The following ARHGAP42 variants were observed in gnomAD, a reference collection of about 807,000 sequenced individuals.
ARHGAP42 encodes the protein Rho GTPase activating protein 42.
In ARHGAP42, 63 loss-of-function variants were observed where a neutral mutation model predicts 125.0. The observed-to-expected ratio is 0.50, with a 90% CI of 0.41 to 0.62. The LOEUF (loss-of-function observed/expected upper bound fraction) is 0.62, where lower values mean the gene tolerates loss of function less well. Ranked by LOEUF, ARHGAP42 falls within the 20% of genes least tolerant of loss-of-function variation. ARHGAP42 has a pLI of 0.00. For synonymous variants in ARHGAP42, 339 were observed against 351.0 expected (o/e 0.97, Z 0.38); for missense variants, 766 against 1,024.2 (o/e 0.75, Z 3.44).
intron 1 of ARHGAP42, among the ~76,000 whole-genome samples, chr11:100,723,326 G>A (rs777664594): frequency 1.8e-4 from 28 of 152,162 alleles, no homozygotes; most frequent in Admixed American, 1.6e-3. Flanking sequence ...TGCTTGCTGG[G>A]ATTTTGATTG....
At chr11:100,929,920 T>G (rs1482306427) in intron 6 of ARHGAP42, among the ~76,000 whole-genome samples, 1 of 152,200 alleles carries the variant, frequency 6.6e-6, no homozygotes, top group African/African-American at 2.4e-5. Flanking sequence ...TTTGTTCCTT[T>G]TCTGTCTTGT....
chr11:100,968,360 T>A (rs1024700364), intron 17 of ARHGAP42, among the ~76,000 whole-genome samples: 3 of 152,182 alleles, frequency 2.0e-5, no homozygotes, highest in Non-Finnish European at 4.4e-5. Flanking sequence ...TGTTTCATGT[T>A]GTCTTTGCTA....
intron 3 of ARHGAP42, among the ~76,000 whole-genome samples, chr11:100,847,442 G>T (rs963636613): frequency 2.6e-5 from 4 of 152,156 alleles, no homozygotes; most frequent in Non-Finnish European, 5.9e-5. Flanking sequence ...GTAAGGAGAT[G>T]CCTTTTCTTT....
At chr11:100,965,025 C>G (rs1858054441) in intron 16 of ARHGAP42, among the ~76,000 whole-genome samples, 2 of 152,070 alleles carry the variant, frequency 1.3e-5, no homozygotes, top group Admixed American at 6.6e-5. Context: ...GGGAAACTTA[C>G]AATCATGGTG....
chr11:100,892,416 T>A (rs1247437824), intron 4 of ARHGAP42, among the ~76,000 whole-genome samples: 1 of 152,154 alleles, frequency 6.6e-6, no homozygotes, highest in Non-Finnish European at 1.5e-5. Context: ...TTCTTGAATA[T>A]TGTATTTACT....
At chr11:100,693,058 G>C (rs1861217449) in intron 1 of ARHGAP42, among the ~76,000 whole-genome samples, 1 of 152,114 alleles carries the variant, frequency 6.6e-6, no homozygotes, top group African/African-American at 2.4e-5. Context: ...CAAAATTTGA[G>C]ACTTCCCATA....
chr11:100,753,873 G>A (rs1862515948), intron 1 of ARHGAP42, among the ~76,000 whole-genome samples: 1 of 152,172 alleles, frequency 6.6e-6, no homozygotes, highest in Non-Finnish European at 1.5e-5. Context: ...TTTCCACCTG[G>A]CTCTCAGTGT....
intron 5 of ARHGAP42, among the ~76,000 whole-genome samples, chr11:100,919,346 TAG>T (rs1335868810): frequency 6.6e-6 from 1 of 152,086 alleles, no homozygotes; most frequent in Non-Finnish European, 1.5e-5. Context: ...TCTTAGCAGT[TAG>T]AGTGATGTGA....
At chr11:100,802,245 G>T (rs1385002681) in intron 3 of ARHGAP42, among the ~76,000 whole-genome samples, 2 of 152,100 alleles carry the variant, frequency 1.3e-5, no homozygotes, top group South Asian at 2.1e-4. Flanking sequence ...CATAACAAGA[G>T]AACTCCCTGG....
intron 1 of ARHGAP42, among the ~76,000 whole-genome samples, chr11:100,692,657 A>G (rs1251229822): frequency 6.6e-6 from 1 of 152,172 alleles, no homozygotes; most frequent in Non-Finnish European, 1.5e-5. Flanking sequence ...CCAAATGAAG[A>G]TGGCACCGAT....
chr11:100,899,877 T>C (rs147992487), intron 4 of ARHGAP42, among the ~76,000 whole-genome samples: 4,066 of 152,228 alleles, frequency 0.027, 187 homozygotes, highest in African/African-American at 0.092. Context: ...CCAGTCTGTG[T>C]CTTTAATTGG....
At chr11:100,738,429 G>A (rs755158024) in intron 1 of ARHGAP42, 4 of 152,194 alleles carry the variant, frequency 2.6e-5, no homozygotes, top group Middle Eastern at 3.2e-3. Flanking sequence ...GTCTAACAAA[G>A]AAGTGCCAGC....
At chr11:100,921,246 T>TA (rs1170204867) in intron 5 of ARHGAP42, among the ~76,000 whole-genome samples, 31 of 34,566 alleles carry the variant, frequency 9.0e-4, no homozygotes, top group Non-Finnish European at 1.3e-3. Context: ...TATATATATA[T>TA]TTTTTTTTTT....
chr11:100,746,718 C>T (rs1409957126), intron 1 of ARHGAP42, among the ~76,000 whole-genome samples: 1 of 152,092 alleles, frequency 6.6e-6, no homozygotes, highest in Non-Finnish European at 1.5e-5. Flanking sequence ...CTTAAAGAAA[C>T]CTATAGGATC....
rs1367182987 is a variant in ARHGAP42 at position 100,687,439 on chromosome 11, G to C, written c.-240G>C. On this transcript the variant is annotated 5_prime_UTR_variant, in exon 1 of 24. Transcript: ENST00000298815. The stretch of plus-strand genomic sequence containing the variant: ...TGCGTCCAGATGACAACAACCTGAG[G>C]GGACTCGCGCCTCGGCCCGCCGCCC... 1.3e-5 allele frequency among the ~76,000 whole-genome samples: 2 copies of C among 151,914 alleles called. No homozygotes were observed. The highest frequency in any genetic ancestry group is 2.9e-5 in the Non-Finnish European group (2 of 67,924).
At chr11:100,961,362 T>C (rs1857949640) in intron 14 of ARHGAP42, among the ~76,000 whole-genome samples, 1 of 152,108 alleles carries the variant, frequency 6.6e-6, no homozygotes, top group South Asian at 2.1e-4. Flanking sequence ...TAATGGTACC[T>C]GCCTCTTAAG....
intron 3 of ARHGAP42, among the ~76,000 whole-genome samples, chr11:100,822,032 A>C (rs1864415886): frequency 6.6e-6 from 1 of 152,080 alleles, no homozygotes; most frequent in Non-Finnish European, 1.5e-5. Context: ...TGTACGGGTA[A>C]AATATTGTGA....
At chr11:100,775,880 CCGGGTA>C (rs1704486169) in intron 2 of ARHGAP42, among the ~76,000 whole-genome samples, 1 of 152,028 alleles carries the variant, frequency 6.6e-6, no homozygotes, top group African/African-American at 2.4e-5. Context: ...GATATTGTGG[CCGGGTA>C]CGGTGGCTCA....
chr11:100,709,023 A>G (rs1052487697), intron 1 of ARHGAP42, among the ~76,000 whole-genome samples: 27 of 151,978 alleles, frequency 1.8e-4, no homozygotes, highest in Non-Finnish European at 3.1e-4. Context: ...GTGATCTGTC[A>G]ATCTGCTACC....
Sources: gnomAD v4.1 joint callset for allele counts (sites outside exome capture counted in the v4.1 genomes callset) on GRCh38, gnomAD v4.1.1 for gene constraint, MANE v1.5 for transcripts, NCBI Gene and HGNC (gene_info 2026-07-23, HGNC 2026-07-21) for gene names.